The following KAZN variants were observed in gnomAD, a reference collection of about 807,000 sequenced individuals.
KAZN encodes the protein kazrin.
In KAZN, 40 loss-of-function variants were observed where a neutral mutation model predicts 87.4. The observed-to-expected ratio is 0.46, with a 90% CI of 0.36 to 0.60. The LOEUF (loss-of-function observed/expected upper bound fraction) is 0.60, where lower values mean the gene tolerates loss of function less well. Ranked by LOEUF, KAZN falls within the 20% of genes least tolerant of loss-of-function variation. The probability of loss-of-function intolerance (pLI) is 0.00; values close to 1 mark genes in which losing one functional copy is unlikely to be tolerated. For missense variants in KAZN, 898 were observed against 1,073.9 expected (o/e 0.84, Z 2.29); for synonymous variants, 466 against 458.3 (o/e 1.02, Z -0.22).
At chr1:14,535,733 C>T (rs941844477) in intron 2 of KAZN, among the ~76,000 whole-genome samples, 2 of 151,998 alleles carry the variant, frequency 1.3e-5, no homozygotes, top group Admixed American at 1.3e-4. Flanking sequence ...TTGCATGCCA[C>T]GGAAAACTGA....
rs1489484360 is a variant in KAZN, at chr1:14,735,297, T to G, written c.226+136074T>G. ...GGATGGTCTCGATCTCCTGACCTCG[T>G]GATCCGCCCGCCTCGGCCTCCCAAA... On this transcript the variant is annotated intron_variant, in intron 1 of 14. Coordinates refer to ENST00000376030, the MANE Select transcript of KAZN (RefSeq NM_201628.3). The surrounding 1 kb of genome is among the most constrained non-coding windows in gnomAD (Gnocchi z 4.3). Among the ~76,000 whole-genome samples, 6 of 152,200 alleles carry G rather than the reference T, an allele frequency of 3.9e-5. No homozygotes were observed. Among genetic ancestry groups the G allele is most frequent in the Admixed American group, 2.0e-4 (3 of 15,282 alleles).
At chr1:15,102,734 G>A (rs540812936) in intron 11 of KAZN, among the ~76,000 whole-genome samples, 5 of 152,314 alleles carry the variant, frequency 3.3e-5, no homozygotes, top group African/African-American at 1.2e-4. Context: ...ATACGGTGGC[G>A]AGATGGTGAG....
At chr1:14,051,846 C>A (rs1300924482) in intron 1 of KAZN, among the ~76,000 whole-genome samples, 6 of 152,044 alleles carry the variant, frequency 3.9e-5, no homozygotes, top group African/African-American at 1.2e-4. Context: ...TCTCAAAAAA[C>A]CAACCAACCA....
chr1:15,000,606 GA>G (rs1488753708), intron 2 of KAZN, among the ~76,000 whole-genome samples: 1 of 151,814 alleles, frequency 6.6e-6, no homozygotes, highest in Non-Finnish European at 1.5e-5. Flanking sequence ...AACCCCTCTG[GA>G]AAGCAAGGTT....
At chr1:14,889,722 T>C (rs1222509966) in intron 1 of KAZN, among the ~76,000 whole-genome samples, 2 of 152,212 alleles carry the variant, frequency 1.3e-5, no homozygotes, top group Non-Finnish European at 1.5e-5. Flanking sequence ...CACTTTTAAA[T>C]GGTTGAAAAA....
chr1:14,189,903 AG>A (rs531579769), intron 2 of KAZN, among the ~76,000 whole-genome samples: 5 of 152,184 alleles, frequency 3.3e-5, no homozygotes, highest in Non-Finnish European at 5.9e-5. Flanking sequence ...ACTGCCCTAA[AG>A]CAAGTTTTAT....
At chr1:14,774,229 G>T (rs763940583) in intron 1 of KAZN, among the ~76,000 whole-genome samples, 147 of 152,250 alleles carry the variant, frequency 9.7e-4, no homozygotes, top group Non-Finnish European at 1.1e-3. Context: ...CCAGCTCTGT[G>T]GTCCCGGATT....
At chr1:15,058,835 A>G (rs992771750) in intron 5 of KAZN, among the ~76,000 whole-genome samples, 1 of 152,154 alleles carries the variant, frequency 6.6e-6, no homozygotes, top group Non-Finnish European at 1.5e-5. Context: ...CCTGGCCAGC[A>G]TAGTGAAATC....
intron 2 of KAZN, among the ~76,000 whole-genome samples, chr1:15,017,423 C>G (rs1670231123): frequency 6.6e-6 from 1 of 152,216 alleles, no homozygotes; most frequent in African/African-American, 2.4e-5. Flanking sequence ...TCCTATTTAT[C>G]TTGTTCTTGA....
intron 1 of KAZN, among the ~76,000 whole-genome samples, chr1:14,847,904 C>T (rs1648974036): frequency 6.6e-6 from 1 of 152,138 alleles, no homozygotes; most frequent in Admixed American, 6.5e-5. Flanking sequence ...CACTCGAGCC[C>T]AGGAGTTCGA....
At chr1:14,555,888 A>G (rs542430782) in intron 2 of KAZN, among the ~76,000 whole-genome samples, 25 of 152,348 alleles carry the variant, frequency 1.6e-4, no homozygotes, top group African/African-American at 5.8e-4. Flanking sequence ...ATGATGTATT[A>G]TATCTACAGA....
intron 1 of KAZN, among the ~76,000 whole-genome samples, chr1:14,730,176 C>A (rs1439173258): frequency 6.6e-6 from 1 of 152,090 alleles, no homozygotes; most frequent in Non-Finnish European, 1.5e-5. Flanking sequence ...CTCTGCCTCC[C>A]GGGTTCAAGC....
chr1:14,399,152 C>T (rs1463448773), intron 2 of KAZN, among the ~76,000 whole-genome samples: 1 of 152,022 alleles, frequency 6.6e-6, no homozygotes, highest in East Asian at 1.9e-4. Context: ...CAGCCTCCTG[C>T]CATGCCTGGC....
At chr1:14,971,624 C>G (rs950115488) in intron 2 of KAZN, among the ~76,000 whole-genome samples, 2 of 144,382 alleles carry the variant, frequency 1.4e-5, no homozygotes. Flanking sequence ...AAGTGGGTGT[C>G]TTTCAGAGGC....
At chr1:14,525,670 A>T (rs1451699862) in intron 2 of KAZN, among the ~76,000 whole-genome samples, 9 of 148,492 alleles carry the variant, frequency 6.1e-5, no homozygotes, top group Non-Finnish European at 1.4e-4. Context: ...TTTAGAATGC[A>T]TTTCCCATAG....
chr1:14,815,445 G>A (rs76100808), intron 1 of KAZN, among the ~76,000 whole-genome samples: 8,576 of 152,196 alleles, frequency 0.056, 318 homozygotes, highest in Admixed American at 0.1. Flanking sequence ...TGATAATAAC[G>A]TTAATGATAA....
intron 2 of KAZN, among the ~76,000 whole-genome samples, chr1:14,329,088 A>T (rs1394377398): frequency 6.6e-6 from 1 of 152,188 alleles, no homozygotes; most frequent in East Asian, 1.9e-4. Context: ...ATGGAGTTAG[A>T]TCCAGGTGCT....
At chr1:15,044,662 G>A (rs796865230) in intron 4 of KAZN, among the ~76,000 whole-genome samples, 5 of 151,228 alleles carry the variant, frequency 3.3e-5, no homozygotes, top group African/African-American at 1.2e-4. Context: ...GATTGCCTGA[G>A]CCCTGGAGGT....
chr1:14,425,046 A>C (rs562852631), intron 2 of KAZN, among the ~76,000 whole-genome samples: 1 of 152,236 alleles, frequency 6.6e-6, no homozygotes, highest in Non-Finnish European at 1.5e-5. Context: ...ACCTGGCCCA[A>C]TGAGTTTCTG....
Sources: allele counts gnomAD v4.1 joint callset (sites outside exome capture counted in the v4.1 genomes callset), GRCh38; gene constraint gnomAD v4.1.1; non-coding constraint Gnocchi (gnomAD v3.1); transcripts MANE v1.5; gene names NCBI Gene and HGNC (gene_info 2026-07-23, HGNC 2026-07-21).